Variants in TNPO3 observed in about 807,000 individuals in gnomAD.
The protein encoded by TNPO3 is transportin 3.
TNPO3 carries 65 observed loss-of-function variants against 122.8 expected under a neutral mutation model. The observed-to-expected ratio is 0.53, with a 90% CI of 0.43 to 0.65. TNPO3 has a LOEUF of 0.65. Ranked by LOEUF, TNPO3 falls within the 30% of genes least tolerant of loss-of-function variation. The pLI, the probability that TNPO3 is intolerant of heterozygous loss-of-function variation, is 0.00. For missense variants in TNPO3, 850 were observed against 1,136.7 expected (o/e 0.75, Z 3.63); for synonymous variants, 372 against 411.2 (o/e 0.90, Z 1.15).
At position 128,972,477 on chromosome 7, in the gene TNPO3, A is replaced by G; in HGVS notation, c.2379T>C (p.Cys793=). The part of the protein sequence containing the change: ...STTLDHRDAN[C]SVMRFLRDLI... ...GGTCTCGTAGAAACCTCATGACACTACAATTGGCATCCCGGTGGTCCAGGG... is the reference window on the plus strand; with the variant it reads ...GGTCTCGTAGAAACCTCATGACACTGCAATTGGCATCCCGGTGGTCCAGGG... The change falls in exon 19 of 23, where the codon TGT becomes TGC. Residue 793 remains cysteine (C), a synonymous_variant. Coordinates refer to ENST00000265388, the MANE Select transcript of TNPO3 (RefSeq NM_012470.4). 1 of 1,614,210 alleles carries G rather than the reference A, an allele frequency of 6.2e-7. No individual in the cohort carries two copies. Among genetic ancestry groups the G allele is most frequent in the Non-Finnish European group, 8.5e-7 (1 of 1,180,030 alleles).
chr7:128,972,635 A>G (rs1798608621), intron 18 of TNPO3, 53 bp from the exon 19 acceptor site: 1 of 1,567,768 alleles, frequency 6.4e-7, no homozygotes. Flanking sequence ...CTATAAAAGC[A>G]GCCAGGGTAA....
chr7:128,983,280 C>T (rs1799814534), intron 13 of TNPO3, among the ~76,000 whole-genome samples: 1 of 152,050 alleles, frequency 6.6e-6, no homozygotes, highest in African/African-American at 2.4e-5. Flanking sequence ...GATTTCGGTT[C>T]AATGCAACTT....
chr7:128,996,764 AAAAAG>A (rs1801374994), intron 8 of TNPO3, among the ~76,000 whole-genome samples: 1 of 151,386 alleles, frequency 6.6e-6, no homozygotes, highest in Non-Finnish European at 1.5e-5. Context: ...AAAAAAAAAA[AAAAAG>A]AGTACATAAT....
chr7:128,970,485 CAA>C (rs1401183298), intron 19 of TNPO3, among the ~76,000 whole-genome samples, 170 bp from the exon 20 acceptor site: 1 of 152,012 alleles, frequency 6.6e-6, no homozygotes, highest in Non-Finnish European at 1.5e-5. Flanking sequence ...GCTGGATTCA[CAA>C]AGTCCAGAAG....
At chr7:129,017,643 G>A (rs1022047336) in intron 2 of TNPO3, among the ~76,000 whole-genome samples, 12 of 152,268 alleles carry the variant, frequency 7.9e-5, no homozygotes, top group Admixed American at 2.0e-4. Context: ...TTTCATTCAT[G>A]AGACCTTTAC....
intron 1 of TNPO3, among the ~76,000 whole-genome samples, chr7:129,038,237 A>G (rs1436994728): frequency 6.6e-6 from 1 of 152,240 alleles, no homozygotes; most frequent in Non-Finnish European, 1.5e-5. Flanking sequence ...GAAGAAAAAA[A>G]GGAAAGAATT....
chr7:128,959,858 T>C (rs1214204853), intron 21 of TNPO3, among the ~76,000 whole-genome samples: 1 of 151,984 alleles, frequency 6.6e-6, no homozygotes, highest in East Asian at 1.9e-4. Context: ...CCATCTCCAC[T>C]AAAAAGACAA....
chr7:129,013,900 ATGT>A (rs1803518086), intron 4 of TNPO3, among the ~76,000 whole-genome samples: 1 of 151,886 alleles, frequency 6.6e-6, no homozygotes, highest in Non-Finnish European at 1.5e-5. Flanking sequence ...TTTCACTGCT[ATGT>A]TGGAGTGAAA....
chr7:129,038,477 TG>T (rs1012332866), intron 1 of TNPO3, among the ~76,000 whole-genome samples: 11 of 152,206 alleles, frequency 7.2e-5, no homozygotes, highest in Admixed American at 1.3e-4. Flanking sequence ...ATCCCATTAC[TG>T]GATGTATACC....
intron 16 of TNPO3, 152 bp from the exon 17 acceptor site, chr7:128,976,087 C>A (rs1374792459): frequency 6.4e-6 from 4 of 628,922 alleles, no homozygotes; most frequent in Non-Finnish European, 1.1e-5. Context: ...TTGTGAAACA[C>A]AGGGCTCAAT....
intron 15 of TNPO3, among the ~76,000 whole-genome samples, chr7:128,979,694 T>A (rs561720968): frequency 6.6e-6 from 1 of 152,336 alleles, no homozygotes; most frequent in East Asian, 1.9e-4. Context: ...ATTCTGCTGG[T>A]ATTGATCAGG....
At chr7:129,010,743 A>G (rs567882527) in intron 4 of TNPO3, among the ~76,000 whole-genome samples, 1 of 152,266 alleles carries the variant, frequency 6.6e-6, no homozygotes, top group African/African-American at 2.4e-5. Context: ...TCTAGCCCAA[A>G]ATATTTAACT....
chr7:128,989,959 A>T lies in TNPO3; in HGVS notation c.1498+2T>A. On this transcript the variant is annotated splice_donor_variant, in intron 11 of 22. Transcript: ENST00000265388. LOFTEE classifies it high-confidence loss of function. ...GTGGCAGAGGAGAGAGATTACACAT[A>T]CCAAGGAACTGAGGATTTCGATCAA... 1 of 1,613,470 alleles carries T rather than the reference A, an allele frequency of 6.2e-7. No individual in the cohort carries two copies. Among genetic ancestry groups the T allele is most frequent in the Non-Finnish European group, 8.5e-7 (1 of 1,179,358 alleles).
chr7:129,013,840 CATT>C (rs1803507778), intron 4 of TNPO3, among the ~76,000 whole-genome samples: 1 of 152,086 alleles, frequency 6.6e-6, no homozygotes, highest in African/African-American at 2.4e-5. Context: ...CACTGTTAGA[CATT>C]ATGTTAAGTG....
intron 21 of TNPO3, among the ~76,000 whole-genome samples, chr7:128,959,620 C>G (rs1250784861): frequency 6.6e-6 from 1 of 152,198 alleles, no homozygotes; most frequent in Non-Finnish European, 1.5e-5. Flanking sequence ...GTGACACTGT[C>G]AACTTGGCTT....
At chr7:128,977,444 G>C (rs915185825) in intron 16 of TNPO3, among the ~76,000 whole-genome samples, 3 of 152,154 alleles carry the variant, frequency 2.0e-5, no homozygotes, top group African/African-American at 7.2e-5. Flanking sequence ...TTAAAATTCT[G>C]TTGAAATATT....
chr7:129,054,330 A>G lies in TNPO3; in HGVS notation c.120+321T>C, dbSNP rs796609657. ...ACTGGGGTTGGATTTGGTGGGAGGAAGACAAAACGGAAAAGCACGGCCCAA... is the reference window on the plus strand; with the variant it reads ...ACTGGGGTTGGATTTGGTGGGAGGAGGACAAAACGGAAAAGCACGGCCCAA... On this transcript the variant is annotated intron_variant, in intron 1 of 22. Transcript: ENST00000265388. 4.6e-5 allele frequency among the ~76,000 whole-genome samples: 7 copies of G among 152,310 alleles called. No individual in the cohort carries two copies. The South Asian group carries it at 8.3e-4, about 18-fold the overall frequency.
At chr7:129,024,618 C>T (rs1584579705) in intron 1 of TNPO3, among the ~76,000 whole-genome samples, 1 of 152,104 alleles carries the variant, frequency 6.6e-6, no homozygotes, top group East Asian at 1.9e-4. Flanking sequence ...GATCCAGCAG[C>T]TAATTTGCCG....
At chr7:129,055,928 T>C (rs28364822), upstream of TNPO3, 1 of 647,092 alleles carries the variant, frequency 1.5e-6, no homozygotes, top group Non-Finnish European at 2.8e-6. Flanking sequence ...AGTTACAAGA[T>C]CTCATTTAAT....
Sources: allele counts gnomAD v4.1 joint callset (sites outside exome capture counted in the v4.1 genomes callset), GRCh38; gene constraint gnomAD v4.1.1; transcripts MANE v1.5; gene names NCBI Gene and HGNC (gene_info 2026-07-23, HGNC 2026-07-21).